The following ERBB4 variants were observed in gnomAD, a reference collection of about 807,000 sequenced individuals.
The protein encoded by ERBB4 is erb-b2 receptor tyrosine kinase 4.
ERBB4 carries 42 observed loss-of-function variants against 158.0 expected under a neutral mutation model. The ratio of observed to expected loss-of-function variants is 0.27; its 90% confidence interval spans 0.21 to 0.34. The LOEUF is 0.34. Among genes scored for constraint, ERBB4 ranks in the 10% least tolerant of loss-of-function variants. The pLI is 1.00. For synonymous variants in ERBB4, 583 were observed against 558.7 expected, an observed-to-expected ratio of 1.04 and a Z score of -0.61; for missense variants, 1,333 against 1,624.1, an observed-to-expected ratio of 0.82 and a Z score of 3.08.
chr2:211,893,648 C>T lies in ERBB4; in HGVS notation c.421+53782G>A, dbSNP rs1445058424. ...AACCTACAAAATGGGAGAAAATTTT[C>T]GCAACCTACTCATCTGACAAAGGGC... On this transcript the variant is annotated intron_variant, in intron 3 of 27. Transcript: ENST00000342788. Among the ~76,000 whole-genome samples the T allele has an allele frequency of 8.4e-3, 1,097 of 130,734 alleles. 50 individuals carry two copies. The highest frequency in any genetic ancestry group is 0.034 in the African/African-American group (1,023 of 29,696). The allele number at this position is 130,734 out of a possible 152,430, so 85.8% of individuals were successfully genotyped here. A position where few individuals can be genotyped will look rare whatever the true frequency, so the allele number is the denominator to read the frequency against.
intron 16 of ERBB4, among the ~76,000 whole-genome samples, chr2:211,641,315 T>G (rs911904769): frequency 6.6e-6 from 1 of 152,268 alleles, no homozygotes; most frequent in South Asian, 2.1e-4. Context: ...TTTTATGCGG[T>G]TTCACTTATC....
In ERBB4 at chr2:212,254,268, A is replaced by G. The variant is rs112333884; in HGVS notation, c.83-129365T>C. On this transcript the variant is annotated intron_variant, in intron 1 of 27. Transcript: ENST00000342788. ...GTATTTGCTCATTATTTTATTTACC[A>G]ACCCAGTGCCTAATTTCATACCAGC... 4.8e-3 allele frequency among the ~76,000 whole-genome samples: 737 copies of G among 152,278 alleles called. 6 individuals carry two copies. Among genetic ancestry groups the G allele is most frequent in the Middle Eastern group, 0.017 (5 of 294 alleles).
intron 2 of ERBB4, among the ~76,000 whole-genome samples, chr2:212,069,056 C>A (rs1488954705): frequency 6.6e-6 from 1 of 152,038 alleles, no homozygotes; most frequent in African/African-American, 2.4e-5. Flanking sequence ...GAGGCCTCCC[C>A]AGCCAGGTGA....
intron 2 of ERBB4, among the ~76,000 whole-genome samples, chr2:212,101,350 C>CATATATATATATATATATACATATAT (rs56091369): frequency 1.8e-4 from 26 of 143,088 alleles, no homozygotes; most frequent in Non-Finnish European, 3.2e-4. Context: ...ACACCCTATA[C>CATATATATATATATATATACATATAT]ATATATATAT....
At chr2:211,849,866 C>G (rs977010086) in intron 3 of ERBB4, among the ~76,000 whole-genome samples, 9 of 151,882 alleles carry the variant, frequency 5.9e-5, no homozygotes, top group African/African-American at 2.2e-4. Context: ...ATTTTATGCA[C>G]AAATAGCATG....
chr2:211,931,461 TA>T (rs1051098400), intron 3 of ERBB4, among the ~76,000 whole-genome samples: 2 of 152,016 alleles, frequency 1.3e-5, no homozygotes, highest in African/African-American at 4.8e-5. Context: ...AAAGCAAAAC[TA>T]CAGCACCGTT....
chr2:212,420,645 TC>T (rs2091771219), intron 1 of ERBB4, among the ~76,000 whole-genome samples: 1 of 152,162 alleles, frequency 6.6e-6, no homozygotes, highest in African/African-American at 2.4e-5. Flanking sequence ...GAAGTTTCTT[TC>T]TGCATCTGAC....
intron 27 of ERBB4, 73 bp from the exon 28 acceptor site, chr2:211,384,133 T>C: frequency 9.1e-7 from 1 of 1,099,684 alleles, no homozygotes; most frequent in Admixed American, 1.9e-5. Context: ...TTATACATAA[T>C]GGTTAGCTTC....
chr2:212,161,314 T>G (rs2081196166), intron 1 of ERBB4, among the ~76,000 whole-genome samples: 1 of 151,924 alleles, frequency 6.6e-6, no homozygotes, highest in South Asian at 2.1e-4. Flanking sequence ...GTCCCCATAC[T>G]AACATAATTA....
At chr2:211,632,973 G>C (rs1286506407) in intron 16 of ERBB4, among the ~76,000 whole-genome samples, 2 of 151,960 alleles carry the variant, frequency 1.3e-5, no homozygotes, top group African/African-American at 4.8e-5. Flanking sequence ...CATTATAAGA[G>C]GCCAAATTCT....
intron 3 of ERBB4, among the ~76,000 whole-genome samples, chr2:211,817,952 C>G (rs1352720936): frequency 1.3e-5 from 2 of 152,102 alleles, no homozygotes; most frequent in East Asian, 3.9e-4. Context: ...CTTTAAGCTG[C>G]TATAGAAGAC....
intron 20 of ERBB4, among the ~76,000 whole-genome samples, chr2:211,515,912 A>ATATATATATATATATTT (rs35696520): frequency 3.8e-5 from 3 of 78,982 alleles, no homozygotes; most frequent in African/African-American, 1.7e-4. Context: ...ATATATATAT[A>ATATATATATATATATTT]TTTTTTTTTT....
intron 9 of ERBB4, among the ~76,000 whole-genome samples, chr2:211,706,607 A>C (rs144729256): frequency 9.9e-5 from 15 of 151,520 alleles, no homozygotes; most frequent in Admixed American, 3.3e-4. Context: ...AAAACAAAAA[A>C]AAAAAAAACA....
At chr2:212,175,235 G>A (rs1559658675) in intron 1 of ERBB4, among the ~76,000 whole-genome samples, 1 of 152,044 alleles carries the variant, frequency 6.6e-6, no homozygotes, top group Non-Finnish European at 1.5e-5. Flanking sequence ...GTATCTAGCA[G>A]ATAAAAAGCA....
At chr2:212,448,713 T>C (rs2092400992) in intron 1 of ERBB4, among the ~76,000 whole-genome samples, 1 of 152,104 alleles carries the variant, frequency 6.6e-6, no homozygotes, top group Non-Finnish European at 1.5e-5. Context: ...GCAGAAATCA[T>C]TGTTTATGAT....
At chr2:211,444,041 C>T (rs2064051137) in intron 20 of ERBB4, among the ~76,000 whole-genome samples, 1 of 152,008 alleles carries the variant, frequency 6.6e-6, no homozygotes, top group Non-Finnish European at 1.5e-5. Context: ...ACCACATCTC[C>T]TGATAATGCT....
chr2:212,432,719 A>C (rs1334282746), intron 1 of ERBB4, among the ~76,000 whole-genome samples: 1 of 152,146 alleles, frequency 6.6e-6, no homozygotes, highest in Admixed American at 6.6e-5. Context: ...CAAGAAACAC[A>C]TTTAACATCA....
In ERBB4 at chr2:212,538,519, C is replaced by G; in HGVS notation, c.12G>C (p.Ala4=). The change falls in exon 1 of 28, where the codon GCG becomes GCC. Residue 4 remains alanine, a synonymous_variant. Transcript: ENST00000342788. MKP[A]TGLWVWVSLL... is the part of the protein sequence containing the mutation. The stretch of plus-strand genomic sequence containing the variant: ...GGCTCACCCAGACCCAAAGTCCTGT[C>G]GCCGGCTTCATTTTTTGGAAGTCTC... 3 of 1,614,100 alleles carry G rather than the reference C, an allele frequency of 1.9e-6. No individual in the cohort carries two copies. The highest frequency in any genetic ancestry group is 2.5e-6 in the Non-Finnish European group (3 of 1,179,946).
At chr2:211,558,417 G>T (rs1010332240) in intron 20 of ERBB4, among the ~76,000 whole-genome samples, 4 of 152,084 alleles carry the variant, frequency 2.6e-5, no homozygotes, top group African/African-American at 9.7e-5. Context: ...ACAATGGGCC[G>T]ATCTGGGTAA....
Sources: gnomAD v4.1 joint callset for allele counts (sites outside exome capture counted in the v4.1 genomes callset) on GRCh38, gnomAD v4.1.1 for gene constraint, MANE v1.5 for transcripts, NCBI Gene and HGNC (gene_info 2026-07-23, HGNC 2026-07-21) for gene names.